Variants in CEP162 observed in about 807,000 individuals in gnomAD.
CEP162 encodes centrosomal protein 162, also known as centrosomal protein of 162 kDa.
A neutral mutation model predicts 169.2 loss-of-function variants in CEP162; 141 were observed. That is an observed-to-expected ratio of 0.83 (90% CI 0.73 to 0.96). CEP162 has a LOEUF of 0.96. Among genes scored for constraint, CEP162 ranks in the 40% least tolerant of loss-of-function variants. CEP162 has a pLI of 0.00. For missense variants in CEP162, 1,600 were observed against 1,587.2 expected (o/e 1.01, Z -0.14); for synonymous variants, 540 against 526.4 (o/e 1.03, Z -0.35).
chr6:84,202,685 T>C (rs777508493), intron 7 of CEP162, among the ~76,000 whole-genome samples: 1 of 151,718 alleles, frequency 6.6e-6, no homozygotes, highest in South Asian at 2.1e-4. Context: ...GTGCCAACCA[T>C]GCCCGGCTAA....
At chr6:84,214,479 C>T (rs7750852) in intron 5 of CEP162, among the ~76,000 whole-genome samples, 10,059 of 152,148 alleles carry the variant, frequency 0.066, 1,079 homozygotes, top group African/African-American at 0.23. Flanking sequence ...CTATTGTCAA[C>T]ATCATAAAAC....
At chr6:84,173,716 C>A (rs145331201) in intron 16 of CEP162, among the ~76,000 whole-genome samples, 3,860 of 147,574 alleles carry the variant, frequency 0.026, 156 homozygotes, top group African/African-American at 0.095. Context: ...CAGAGTCTCA[C>A]TCTGTTGCCT....
intron 7 of CEP162, among the ~76,000 whole-genome samples, chr6:84,201,986 T>G (rs980032009): frequency 6.6e-6 from 1 of 152,226 alleles, no homozygotes; most frequent in Non-Finnish European, 1.5e-5. Flanking sequence ...CTTCTAAAAC[T>G]TGGCAATTAC....
chr6:84,204,119 G>C (rs769583057), intron 6 of CEP162, 23 bp from the exon 7 acceptor site: 2 of 1,407,628 alleles, frequency 1.4e-6, no homozygotes, highest in South Asian at 2.5e-5. Flanking sequence ...ATTTTTAAAA[G>C]TACAAAGACC....
At chr6:84,164,371 A>G (rs1562031112) in intron 18 of CEP162, among the ~76,000 whole-genome samples, 1 of 152,228 alleles carries the variant, frequency 6.6e-6, no homozygotes, top group Non-Finnish European at 1.5e-5. Flanking sequence ...AGGATTATAA[A>G]TCATTCTACT....
At chr6:84,178,890 T>A (rs1263907552) in intron 13 of CEP162, among the ~76,000 whole-genome samples, 1 of 152,150 alleles carries the variant, frequency 6.6e-6, no homozygotes, top group African/African-American at 2.4e-5. Context: ...AATTCCCACC[T>A]ATGAGTGAGA....
chr6:84,212,456 A>G (rs545542480), intron 6 of CEP162, among the ~76,000 whole-genome samples: 30 of 152,294 alleles, frequency 2.0e-4, no homozygotes, highest in Admixed American at 5.9e-4. Flanking sequence ...ATACAGTGAT[A>G]TAACATTATT....
At position 84,174,181 on chromosome 6, in the gene CEP162, C is replaced by A; in HGVS notation, c.2033G>T (p.Ser678Ile). 1 of 1,601,740 alleles carries A rather than the reference C, an allele frequency of 6.2e-7. No homozygotes were observed. Residue 678 changes from serine (S) to isoleucine (I), a missense_variant, in exon 16 of 27, where the codon AGC (serine) becomes ATC (isoleucine). By Grantham distance (142) the Ser-to-Ile change is moderately radical (BLOSUM62 -2). Transcript: ENST00000403245. Reference sequence around the variant, plus strand: ...TTGTTTTTTGTTTGTTTCTTCAAAGCTGCTTAACTTGGAGAAATTGCAGAA... The same window carrying A: ...TTGTTTTTTGTTTGTTTCTTCAAAGATGCTTAACTTGGAGAAATTGCAGAA... The part of the protein sequence containing the change: ...DNYILQAKLS[S>I]FEETNKKQRW...
intron 13 of CEP162, among the ~76,000 whole-genome samples, chr6:84,183,803 CTTAA>C (rs1168681598): frequency 6.6e-6 from 1 of 152,132 alleles, no homozygotes; most frequent in Non-Finnish European, 1.5e-5. Flanking sequence ...TAAACAACAA[CTTAA>C]TTGTTATTTA....
At chr6:84,203,836 TTAAC>T in intron 7 of CEP162, 141 bp downstream of exon 7, 1 of 421,544 alleles carries the variant, frequency 2.4e-6, no homozygotes, top group Non-Finnish European at 4.2e-6. Flanking sequence ...AAGAAAATGT[TTAAC>T]TGAGTATTAG....
rs1388874894 is a variant in CEP162 at position 84,204,109 on chromosome 6, A to C, written c.572-13T>G. ...TCACTGTAATTTTCTGAAGAAAGTAATTTTTAAAAGTACAAAGACCACATT... is the reference window on the plus strand; with the variant it reads ...TCACTGTAATTTTCTGAAGAAAGTACTTTTTAAAAGTACAAAGACCACATT... On this transcript the variant is annotated splice_polypyrimidine_tract_variant and intron_variant, in intron 6 of 26. Transcript: ENST00000403245. 19 of 1,519,242 alleles carry C rather than the reference A, an allele frequency of 1.3e-5. No homozygotes were observed. The highest frequency in any genetic ancestry group is 1.7e-5 in the Non-Finnish European group (19 of 1,109,712). 94.1% of individuals were successfully genotyped at this position (1,519,242 alleles called of 1,614,324 possible).
At chr6:84,203,784 AT>A (rs919497454) in intron 7 of CEP162, among the ~76,000 whole-genome samples, 196 bp downstream of exon 7, 7 of 152,022 alleles carry the variant, frequency 4.6e-5, no homozygotes, top group Non-Finnish European at 8.8e-5. Flanking sequence ...AATTGTCGTA[AT>A]TTTTTTCATT....
Position 84,185,201 on chromosome 6 carries a change from T to C in CEP162, c.1649A>G (p.Gln550Arg). The change falls in exon 13 of 27, where the codon CAA (glutamine) becomes CGA (arginine). Residue 550 changes from glutamine (Q) to arginine (R), a missense_variant. Coordinates refer to ENST00000403245, the MANE Select transcript of CEP162 (RefSeq NM_014895.4). ...TATATGATTACCTTTTTTCCTAGGT[T>C]GATTGGAGGTAGAAATCGATCTCAA... is the stretch of plus-strand genomic sequence containing the variant. Reference protein sequence around the residue: ...KNLRSISTSNQPRKKEILSGT... With the variant: ...KNLRSISTSNRPRKKEILSGT... 6.2e-7 allele frequency: 1 copy of C among 1,611,194 alleles called. No homozygotes were observed. Among genetic ancestry groups the C allele is most frequent in the Non-Finnish European group, 8.5e-7 (1 of 1,177,706 alleles).
chr6:84,144,801 C>T (rs969466310), intron 25 of CEP162, among the ~76,000 whole-genome samples: 16 of 152,082 alleles, frequency 1.1e-4, no homozygotes, highest in Admixed American at 9.8e-4. Context: ...CTGTAGAGAA[C>T]TTTTTCTCTT....
intron 19 of CEP162, among the ~76,000 whole-genome samples, chr6:84,162,926 C>A (rs2099526366): frequency 6.6e-6 from 1 of 152,122 alleles, no homozygotes; most frequent in South Asian, 2.1e-4. Context: ...TGCCATGAAT[C>A]CAAAATAATT....
chr6:84,155,994 T>C (rs1432929687), intron 21 of CEP162, among the ~76,000 whole-genome samples: 1 of 152,034 alleles, frequency 6.6e-6, no homozygotes, highest in Non-Finnish European at 1.5e-5. Flanking sequence ...TACGAGGCTA[T>C]AGCAGCCAAA....
rs115716612 is a variant in CEP162, at chr6:84,170,940, C to T, written c.2279+666G>A. Among the ~76,000 whole-genome samples, 510 of 152,274 alleles carry T rather than the reference C, an allele frequency of 3.3e-3. 3 individuals carry two copies. The highest frequency in any genetic ancestry group is 0.012 in the African/African-American group (496 of 41,562). ...CTTTAAACCGCAGCCCCTGACCCGGCATAAAGGGCAGCCCCTACTCCTTTC... is the reference window on the plus strand; with the variant it reads ...CTTTAAACCGCAGCCCCTGACCCGGTATAAAGGGCAGCCCCTACTCCTTTC... On this transcript the variant is annotated intron_variant, in intron 17 of 26. Transcript: ENST00000403245.
At chr6:84,180,503 G>A (rs1406112022) in intron 13 of CEP162, among the ~76,000 whole-genome samples, 2 of 151,466 alleles carry the variant, frequency 1.3e-5, no homozygotes, top group African/African-American at 2.4e-5. Context: ...AGGGCAATCA[G>A]GCAGGAGAAA....
intron 13 of CEP162, among the ~76,000 whole-genome samples, chr6:84,178,065 T>C (rs1004970308): frequency 3.3e-5 from 5 of 152,224 alleles, no homozygotes; most frequent in Non-Finnish European, 5.9e-5. Context: ...AAAGTCAGTA[T>C]GTGAGACTTA....
Sources: gnomAD v4.1 joint callset for allele counts (sites outside exome capture counted in the v4.1 genomes callset) on GRCh38, gnomAD v4.1.1 for gene constraint, MANE v1.5 for transcripts, NCBI Gene and HGNC (gene_info 2026-07-23, HGNC 2026-07-21) for gene names.